The following APCDD1 variants were observed in gnomAD, a reference collection of about 807,000 sequenced individuals.
APCDD1 encodes protein APCDD1.
A neutral mutation model predicts 38.1 loss-of-function variants in APCDD1; 15 were observed. The observed-to-expected ratio is 0.39, with a 90% CI of 0.26 to 0.61. The LOEUF (loss-of-function observed/expected upper bound fraction) is 0.61, where lower values mean the gene tolerates loss of function less well. Among genes scored for constraint, APCDD1 ranks in the 20% least tolerant of loss-of-function variants. The pLI, the probability that APCDD1 is intolerant of heterozygous loss-of-function variation, is 0.49. For synonymous variants in APCDD1, 261 were observed against 279.7 expected, an observed-to-expected ratio of 0.93 and a Z score of 0.67; for missense variants, 647 against 696.2, an observed-to-expected ratio of 0.93 and a Z score of 0.79.
Position 10,487,691 on chromosome 18 carries a change from A to G in APCDD1, c.1198A>G (p.Ile400Val). 1 of 1,614,190 alleles carries G rather than the reference A, an allele frequency of 6.2e-7. No homozygotes were observed. Among genetic ancestry groups the G allele is most frequent in the Non-Finnish European group, 8.5e-7 (1 of 1,180,040 alleles). The change falls in exon 5 of 5, where the codon ATC (isoleucine) becomes GTC (valine). Residue 400 changes from isoleucine to valine, a missense_variant. Ile to Val is a conservative substitution (Grantham distance 29). Coordinates refer to ENST00000355285, the MANE Select transcript of APCDD1 (RefSeq NM_153000.5). The stretch of plus-strand genomic sequence containing the variant: ...GGCCGAGGGCTCCTGGCAGGTGGGC[A>G]TCCAGCAGGATGTGACCCACACCAA... Reference protein sequence around the residue: ...CGAEGSWQVGIQQDVTHTNGC... With the variant: ...CGAEGSWQVGVQQDVTHTNGC...
rs35815064 is a variant in APCDD1 at position 10,488,852 on chromosome 18, C to CAG, written c.*814_*815insAG. 0.21 allele frequency: 32,545 copies of CAG among 152,040 alleles called. 4,821 individuals carry two copies. The highest frequency in any genetic ancestry group is 0.42 in the African/African-American group (17,549 of 41,384). The allele number at this position is 152,040 out of a possible 1,614,324, so 9.4% of individuals were successfully genotyped here. The stretch of plus-strand genomic sequence containing the variant: ...ATCCTGTTACACAGGAGCAGTGACA[C>CAG]GGGTGGCTGCAGTGTGGTACATGCC... On this transcript the variant is annotated 3_prime_UTR_variant, in exon 5 of 5. Coordinates refer to ENST00000355285, the MANE Select transcript of APCDD1 (RefSeq NM_153000.5).
chr18:10,481,386 C>T (rs1227018175), intron 3 of APCDD1, among the ~76,000 whole-genome samples: 2 of 152,158 alleles, frequency 1.3e-5, no homozygotes, highest in African/African-American at 4.8e-5. Flanking sequence ...ACACATTTTA[C>T]AACATCGATA....
At chr18:10,483,578 C>A (rs1020915983) in intron 3 of APCDD1, among the ~76,000 whole-genome samples, 1 of 152,232 alleles carries the variant, frequency 6.6e-6, no homozygotes, top group Non-Finnish European at 1.5e-5. Flanking sequence ...AAACAGCGAC[C>A]ACAACGAAAT....
At chr18:10,478,498 A>T (rs1324957249) in intron 3 of APCDD1, among the ~76,000 whole-genome samples, 1 of 152,166 alleles carries the variant, frequency 6.6e-6, no homozygotes, top group Non-Finnish European at 1.5e-5. Flanking sequence ...GCATGGTGGG[A>T]GGCTGGAATC....
Position 10,468,663 on chromosome 18 carries a change from A to C in APCDD1, c.242+11A>C. The stretch of plus-strand genomic sequence containing the variant: ...CTGGGTCTCCACAGGGTAAGAGGAC[A>C]GGTGGGGTCTGGGAGAGGCCAGAGA... On this transcript the variant is annotated intron_variant, in intron 2 of 4. Transcript: ENST00000355285. 1.2e-6 allele frequency: 2 copies of C among 1,613,124 alleles called. No homozygotes were observed. The highest frequency in any genetic ancestry group is 2.2e-5 in the South Asian group (2 of 91,038).
At chr18:10,465,192 A>G (rs2030676470) in intron 1 of APCDD1, among the ~76,000 whole-genome samples, 1 of 152,170 alleles carries the variant, frequency 6.6e-6, no homozygotes, top group South Asian at 2.1e-4. Flanking sequence ...GCATCTCACA[A>G]TCAGTGGGGG....
chr18:10,456,542 A>G (rs1244534243), intron 1 of APCDD1, among the ~76,000 whole-genome samples: 1 of 152,246 alleles, frequency 6.6e-6, no homozygotes, highest in East Asian at 1.9e-4. Flanking sequence ...AAATTACTTA[A>G]AAAGTTGGCA....
In APCDD1 at chr18:10,475,794, G is replaced by GGA. The variant is rs1491386370; in HGVS notation, c.774+3734_774+3735insAG. 1 of 59,268 alleles carries GGA rather than the reference G, an allele frequency of 1.7e-5. No individual in the cohort carries two copies. The highest frequency in any genetic ancestry group is 1.3e-4 in the African/African-American group (1 of 7,930). The allele number at this position is 59,268 out of a possible 1,614,324, so 3.7% of individuals were successfully genotyped here. A position where few individuals can be genotyped will look rare whatever the true frequency, so the allele number is the denominator to read the frequency against. On this transcript the variant is annotated intron_variant, in intron 3 of 4. Transcript: ENST00000355285. This position sits in a 1 kb window ranked among gnomAD's most constrained non-coding sequence, Gnocchi z 4.0. ...CCTAGCTGCCTCGCAAGATGGCTGA[G>GGA]GGGGGGGGGGGTCAGTGGAAGGCCG...
intron 1 of APCDD1, among the ~76,000 whole-genome samples, chr18:10,462,075 C>T (rs1441562901): frequency 6.6e-6 from 1 of 152,162 alleles, no homozygotes; most frequent in Non-Finnish European, 1.5e-5. Flanking sequence ...GGTCAAACTG[C>T]ACTTGGCATA....
intron 1 of APCDD1, among the ~76,000 whole-genome samples, chr18:10,464,521 C>T (rs1477322577): frequency 1.3e-5 from 2 of 152,210 alleles, no homozygotes; most frequent in African/African-American, 4.8e-5. Flanking sequence ...CTTCTGGGCT[C>T]ATGTGATCCT....
In APCDD1 at chr18:10,471,173, C is replaced by T. The variant is rs763976939; in HGVS notation, c.243-357C>T. Reference sequence around the variant, plus strand: ...CCTGCACAGGGCAGCAGGTGTTTGCCCTCCTGGCCTGCTCGTGAAGCGAGT... The same window carrying T: ...CCTGCACAGGGCAGCAGGTGTTTGCTCTCCTGGCCTGCTCGTGAAGCGAGT... On this transcript the variant is annotated intron_variant, in intron 2 of 4. Transcript: ENST00000355285. The surrounding 1 kb of genome is among the most constrained non-coding windows in gnomAD (Gnocchi z 5.5). Among the ~76,000 whole-genome samples, 1 of 152,242 alleles carries T rather than the reference C, an allele frequency of 6.6e-6. No individual in the cohort carries two copies. Among genetic ancestry groups the T allele is most frequent in the Non-Finnish European group, 1.5e-5 (1 of 68,038 alleles).
In APCDD1 at chr18:10,471,839, C is replaced by T. The variant is rs918145531; in HGVS notation, c.552C>T (p.Asp184=). Residue 184 remains aspartate (D), a synonymous_variant, in exon 3 of 5, where the codon GAC becomes GAT. Transcript: ENST00000355285. The surrounding 1 kb of genome is among the most constrained non-coding windows in gnomAD (Gnocchi z 5.5). ...FLADGGPWVQ[D]VAYDLWREEN... ...CAGACGGGGGTCCCTGGGTGCAGGACGTGGCCTATGACCTCTGGCGAGAGG... is the reference window on the plus strand; with the variant it reads ...CAGACGGGGGTCCCTGGGTGCAGGATGTGGCCTATGACCTCTGGCGAGAGG... The T allele has an allele frequency of 1.4e-5, 23 of 1,614,046 alleles. No homozygotes were observed. The highest frequency in any genetic ancestry group is 5.3e-5 in the African/African-American group (4 of 74,932).
chr18:10,488,232 C>T lies in APCDD1; in HGVS notation c.*194C>T, dbSNP rs1161027806. 9.9e-6 allele frequency: 7 copies of T among 709,828 alleles called. No individual in the cohort carries two copies. Among genetic ancestry groups the T allele is most frequent in the Admixed American group, 5.0e-5 (2 of 40,384 alleles). The allele number at this position is 709,828 out of a possible 1,614,324, so 44.0% of individuals were successfully genotyped here. ...TGTTTGAAGTTTCTGCTTTGAACTC[C>T]GTCCAGCCTGATCCCTGGCCTGAGC... On this transcript the variant is annotated 3_prime_UTR_variant, in exon 5 of 5. Coordinates refer to ENST00000355285, the MANE Select transcript of APCDD1 (RefSeq NM_153000.5).
rs1288937217 is a variant in APCDD1 at position 10,471,615 on chromosome 18, T to C, written c.328T>C (p.Tyr110His). The part of the protein sequence containing the change: ...NNTFKAYQFY[Y>H]GSNRCTNPTY... ...CACCTTCAAGGCCTACCAATTTTAT[T>C]ATGGCAGCAACCGGTGCACAAATCC... is the stretch of plus-strand genomic sequence containing the variant. Residue 110 changes from tyrosine (Y) to histidine (H), a missense_variant, in exon 3 of 5, where the codon TAT (tyrosine) becomes CAT (histidine). Physicochemically the swap from Tyr to His is moderately conservative, Grantham distance 83 (BLOSUM62 2). Coordinates refer to ENST00000355285, the MANE Select transcript of APCDD1 (RefSeq NM_153000.5). This position sits in a 1 kb window ranked among gnomAD's most constrained non-coding sequence, Gnocchi z 5.5. The C allele has an allele frequency of 6.2e-7, 1 of 1,614,074 alleles. No individual in the cohort carries two copies. Among genetic ancestry groups the C allele is most frequent in the East Asian group, 2.2e-5 (1 of 44,892 alleles).
At chr18:10,473,288 T>C (rs2030909276) in intron 3 of APCDD1, among the ~76,000 whole-genome samples, 1 of 152,174 alleles carries the variant, frequency 6.6e-6, no homozygotes, top group South Asian at 2.1e-4. Context: ...AAAGCCCACC[T>C]GGTGGAGGCT....
rs771812570 is a variant in APCDD1 at position 10,471,920 on chromosome 18, C to T, written c.633C>T (p.Leu211=). 1.9e-5 allele frequency: 30 copies of T among 1,614,038 alleles called. No individual in the cohort carries two copies. Among genetic ancestry groups the T allele is most frequent in the Middle Eastern group, 3.3e-4 (2 of 6,084 alleles). The change falls in exon 3 of 5, where the codon CTC becomes CTT. Residue 211 remains leucine, a synonymous_variant. Transcript: ENST00000355285. The surrounding 1 kb of genome is among the most constrained non-coding windows in gnomAD (Gnocchi z 5.5). ...AVNFAMHELQ[L]IRVEKQYLHH... The stretch of plus-strand genomic sequence containing the variant: ...ACTTTGCCATGCATGAACTTCAGCT[C>T]ATCCGGGTGGAGAAGCAGTACCTTC...
chr18:10,471,996 A>T lies in APCDD1; in HGVS notation c.709A>T (p.Thr237Ser). 1 of 1,613,966 alleles carries T rather than the reference A, an allele frequency of 6.2e-7. No homozygotes were observed. Among genetic ancestry groups the T allele is most frequent in the Non-Finnish European group, 8.5e-7 (1 of 1,180,036 alleles). ...GGAGCTCTTCCTTGGTGACATTCAC[A>T]CTGATGCCACCCAGAGGATGTTCTA... is the stretch of plus-strand genomic sequence containing the variant. ...VEELFLGDIH[T>S]DATQRMFYRP... The change falls in exon 3 of 5, where the codon ACT becomes TCT. Residue 237 changes from threonine (T) to serine (S), a missense_variant. By Grantham distance (58) the Thr-to-Ser change is moderately conservative (BLOSUM62 1). Coordinates refer to ENST00000355285, the MANE Select transcript of APCDD1 (RefSeq NM_153000.5). The surrounding 1 kb of genome is among the most constrained non-coding windows in gnomAD (Gnocchi z 5.5).
rs763949577 is a variant in APCDD1 at position 10,468,568 on chromosome 18, A to G, written c.158A>G (p.His53Arg). The change falls in exon 2 of 5, where the codon CAT (histidine) becomes CGT (arginine). Residue 53 changes from histidine (H) to arginine (R), a missense_variant. His to Arg is a conservative substitution (Grantham distance 29). Transcript: ENST00000355285. ...AGGGCTTTTAAGGAGTCACAGTGCC[A>G]TCACATGCTCAAACATCTCCACAAT... ...AWRAFKESQC[H>R]HMLKHLHNGA... 3 of 1,614,186 alleles carry G rather than the reference A, an allele frequency of 1.9e-6. No individual in the cohort carries two copies. The East Asian group carries it at 6.7e-5, about 36-fold the overall frequency.
In APCDD1 at chr18:10,468,588, C is replaced by T. The variant is rs1237525981; in HGVS notation, c.178C>T (p.His60Tyr). ...SQCHHMLKHL[H>Y]NGARITVQMP... ...GTGCCATCACATGCTCAAACATCTC[C>T]ACAATGGTGCAAGGATCACAGTGCA... The change falls in exon 2 of 5, where the codon CAC becomes TAC. Residue 60 changes from histidine (H) to tyrosine (Y), a missense_variant. Coordinates refer to ENST00000355285, the MANE Select transcript of APCDD1 (RefSeq NM_153000.5). 6.2e-7 allele frequency: 1 copy of T among 1,613,960 alleles called. No individual in the cohort carries two copies.
Sources: allele counts gnomAD v4.1 joint callset (sites outside exome capture counted in the v4.1 genomes callset), GRCh38; gene constraint gnomAD v4.1.1; non-coding constraint Gnocchi (gnomAD v3.1); transcripts MANE v1.5; gene names NCBI Gene and HGNC (gene_info 2026-07-23, HGNC 2026-07-21).